Variants in AGR3 observed in about 807,000 individuals in gnomAD.
AGR3 encodes anterior gradient 3, protein disulphide isomerase family member, also known as anterior gradient protein 3.
Under a neutral mutation model 24.5 loss-of-function variants are expected in AGR3, and 37 were observed. The ratio of observed to expected loss-of-function variants is 1.51; its 90% CI spans 1.16 to 1.99. AGR3 has a LOEUF of 1.99. Ranked by LOEUF, AGR3 falls within the 30% of genes most tolerant of loss-of-function variation. AGR3 has a pLI of 0.00. For missense variants in AGR3, 228 were observed against 191.1 expected, an observed-to-expected ratio of 1.19 and a Z score of -1.14; for synonymous variants, 75 against 61.6, an observed-to-expected ratio of 1.22 and a Z score of -1.02.
intron 3 of AGR3, chr7:16,864,715 AT>A: frequency 6.6e-7 from 1 of 1,515,548 alleles, no homozygotes; most frequent in Non-Finnish European, 9.2e-7. Flanking sequence ...CTTTTTATGT[AT>A]TAGAAACCAC....
rs371962031 is a variant in AGR3, at chr7:16,861,433, A to G, written c.318T>C (p.Asp106=). The change falls in exon 6 of 8, where the codon GAT becomes GAC. Residue 106 remains aspartate (D), a synonymous_variant. Transcript: ENST00000310398. ...IMLNLMHETT[D]KNLSPDGQYV... ...ATTGCCCATCAGGTGATAAATTCTT[A>G]TCAGTGGTTTCATGCTAGCAGGAGA... is the stretch of plus-strand genomic sequence containing the variant. The G allele has an allele frequency of 2.5e-6, 4 of 1,611,498 alleles. No individual in the cohort carries two copies. In the African/African-American group the frequency reaches 4.0e-5, roughly 16 times the overall value.
downstream of AGR3, among the ~76,000 whole-genome samples, chr7:16,856,838 TAC>T (rs111311358): frequency 6.7e-4 from 100 of 149,608 alleles, no homozygotes; most frequent in Non-Finnish European, 8.8e-4. Flanking sequence ...CCTATATGTA[TAC>T]ACACACACAC....
chr7:16,857,810 C>T (rs1583832167), downstream of AGR3, among the ~76,000 whole-genome samples: 1 of 151,988 alleles, frequency 6.6e-6, no homozygotes, highest in African/African-American at 2.4e-5. Context: ...TCAAATAAGA[C>T]CCAAAGGAAA....
At chr7:16,860,445 C>G in intron 7 of AGR3, 55 bp downstream of exon 7, 1 of 1,339,168 alleles carries the variant, frequency 7.5e-7, no homozygotes, top group Non-Finnish European at 1.1e-6. Flanking sequence ...TAGCCCTTAA[C>G]AAATAGTCAG....
intron 3 of AGR3, among the ~76,000 whole-genome samples, chr7:16,872,692 C>A (rs1236493829): frequency 6.6e-6 from 1 of 152,058 alleles, no homozygotes; most frequent in Non-Finnish European, 1.5e-5. Flanking sequence ...AAATTATTTG[C>A]AAACTATTCA....
intron 3 of AGR3, among the ~76,000 whole-genome samples, chr7:16,868,552 G>T (rs1276995868): frequency 2.6e-5 from 4 of 151,976 alleles, no homozygotes; most frequent in Non-Finnish European, 4.4e-5. Flanking sequence ...TTGCATATTT[G>T]CTTCTTTTCA....
chr7:16,862,634 G>C lies in AGR3; in HGVS notation c.202C>G (p.Leu68Val), dbSNP rs1386681067. 1 of 1,543,336 alleles carries C rather than the reference G, an allele frequency of 6.5e-7. No individual in the cohort carries two copies. The highest frequency in any genetic ancestry group is 8.7e-7 in the Non-Finnish European group (1 of 1,151,960). The change falls in exon 4 of 8, where the codon CTG (leucine) becomes GTG (valine). Residue 68 changes from leucine (L) to valine (V), a missense_variant. Physicochemically the swap from Leu to Val is conservative, Grantham distance 32. Coordinates refer to ENST00000310398, the MANE Select transcript of AGR3 (RefSeq NM_176813.5). ...SKKPLMVIHH[L>V]EDCQYSQALK... Reference sequence around the variant, plus strand: ...CCTTGAGAGTATTGACAATCCTCCAGGTGATGAATAACCATTAATGGCTTC... The same window carrying C: ...CCTTGAGAGTATTGACAATCCTCCACGTGATGAATAACCATTAATGGCTTC...
chr7:16,858,313 T>G (rs1781581023), downstream of AGR3, among the ~76,000 whole-genome samples: 1 of 152,096 alleles, frequency 6.6e-6, no homozygotes, highest in Non-Finnish European at 1.5e-5. Context: ...TTTTCTACCT[T>G]CTGATAATTA....
At chr7:16,880,539 CCCCT>C (rs1782097234) in intron 1 of AGR3, among the ~76,000 whole-genome samples, 1 of 105,838 alleles carries the variant, frequency 9.4e-6, no homozygotes, top group Non-Finnish European at 2.0e-5. Flanking sequence ...CCCCTCCCCT[CCCCT>C]CCTCTCCCCT....
At position 16,877,300 on chromosome 7, in the gene AGR3, T is replaced by A. The variant is rs375964633; in HGVS notation, c.109+1210A>T. On this transcript the variant is annotated intron_variant, in intron 2 of 7. Coordinates refer to ENST00000310398, the MANE Select transcript of AGR3 (RefSeq NM_176813.5). ...TATGATATATATTATATATAATATA[T>A]AGTATATATAATATATAATTTGTAT... 1.3e-4 allele frequency among the ~76,000 whole-genome samples: 11 copies of A among 86,246 alleles called. No homozygotes were observed. In the Admixed American group the frequency reaches 1.3e-3, roughly 10 times the overall value. 56.6% of individuals were successfully genotyped at this position (86,246 alleles called of 152,430 possible).
intron 2 of AGR3, among the ~76,000 whole-genome samples, chr7:16,874,351 T>A (rs1320749378): frequency 2.0e-5 from 3 of 152,090 alleles, no homozygotes; most frequent in African/African-American, 4.8e-5. Flanking sequence ...AATTCTTGTG[T>A]GGGAATTTCA....
Position 16,861,010 on chromosome 7 carries a change from ACCAATTTATAATCTAAAACAAAT to A in AGR3, c.367+351_367+373del, listed in dbSNP as rs1781631282. On this transcript the variant is annotated intron_variant, in intron 6 of 7. Coordinates refer to ENST00000310398, the MANE Select transcript of AGR3 (RefSeq NM_176813.5). ...TTTCTTAATCTAAAACAAATGTCAA[ACCAATTTATAATCTAAAACAAAT>A]GTCAAACCAATTTATAAGCAAAATT... Among the ~76,000 whole-genome samples the A allele has an allele frequency of 4.1e-4, 10 of 24,260 alleles. No individual in the cohort carries two copies. In the Admixed American group the frequency reaches 6.1e-3, roughly 15 times the overall value. 15.9% of individuals were successfully genotyped at this position (24,260 alleles called of 152,430 possible).
At chr7:16,866,328 C>T (rs1488158938) in intron 3 of AGR3, 18 of 526,408 alleles carry the variant, frequency 3.4e-5, no homozygotes, top group Non-Finnish European at 6.1e-5. Context: ...TAATAGTTCC[C>T]ATCCATAGTA....
In AGR3 at chr7:16,860,596, A is replaced by C. The variant is rs1781622656; in HGVS notation, c.368-13T>G. 1 of 1,587,852 alleles carries C rather than the reference A, an allele frequency of 6.3e-7. No individual in the cohort carries two copies. Among genetic ancestry groups the C allele is most frequent in the African/African-American group, 1.3e-5 (1 of 74,370 alleles). Reference sequence around the variant, plus strand: ...GTTAAAGAAGGGTCTGTCAAGGAAAAAACCAAGTCACGAAAGTATAATTTA... The same window carrying C: ...GTTAAAGAAGGGTCTGTCAAGGAAACAACCAAGTCACGAAAGTATAATTTA... On this transcript the variant is annotated splice_polypyrimidine_tract_variant and intron_variant, in intron 6 of 7. Coordinates refer to ENST00000310398, the MANE Select transcript of AGR3 (RefSeq NM_176813.5).
Position 16,859,436 on chromosome 7 carries a change from A to C in AGR3, c.*146T>G. 5.1e-6 allele frequency: 3 copies of C among 592,374 alleles called. No individual in the cohort carries two copies. The highest frequency in any genetic ancestry group is 8.8e-6 in the Non-Finnish European group (3 of 339,828). 36.7% of individuals were successfully genotyped at this position (592,374 alleles called of 1,614,324 possible). A position where few individuals can be genotyped will look rare whatever the true frequency, so the allele number is the denominator to read the frequency against. ...CTCAGATTTAAAAAACATTTATTTT[A>C]ATAAGACTATTGCAAACACATTAAA... On this transcript the variant is annotated 3_prime_UTR_variant, in exon 8 of 8. Coordinates refer to ENST00000310398, the MANE Select transcript of AGR3 (RefSeq NM_176813.5).
At chr7:16,873,148 T>C (rs964647974) in intron 3 of AGR3, among the ~76,000 whole-genome samples, 1 of 152,128 alleles carries the variant, frequency 6.6e-6, no homozygotes, top group Admixed American at 6.6e-5. Flanking sequence ...CATCTCCATA[T>C]TTATGGAATC....
chr7:16,874,613 T>A (rs1781950363), intron 2 of AGR3, among the ~76,000 whole-genome samples: 1 of 152,114 alleles, frequency 6.6e-6, no homozygotes, highest in South Asian at 2.1e-4. Context: ...AATGTGAAAA[T>A]TAGCAATATT....
chr7:16,865,660 C>T (rs1338181107), intron 3 of AGR3: 4 of 798,174 alleles, frequency 5.0e-6, no homozygotes, highest in Non-Finnish European at 9.1e-6. Context: ...TATCAGTTCT[C>T]AGATGATCTC....
chr7:16,865,408 G>A (rs944295942), intron 3 of AGR3: 15 of 962,090 alleles, frequency 1.6e-5, no homozygotes, highest in East Asian at 2.4e-5. Context: ...GTCACTATTC[G>A]ATTAAGAAAT....
Sources: gnomAD v4.1 joint callset for allele counts (sites outside exome capture counted in the v4.1 genomes callset) on GRCh38, gnomAD v4.1.1 for gene constraint, MANE v1.5 for transcripts, NCBI Gene and HGNC (gene_info 2026-07-23, HGNC 2026-07-21) for gene names.